Variants in ABLIM1 observed in about 807,000 individuals in gnomAD.
ABLIM1 encodes actin binding LIM protein 1.
Under a neutral mutation model 107.0 loss-of-function variants are expected in ABLIM1, and 40 were observed. The ratio of observed to expected loss-of-function variants is 0.37; its 90% CI spans 0.29 to 0.49. ABLIM1 has a LOEUF of 0.49. Ranked by LOEUF, ABLIM1 falls within the 20% of genes least tolerant of loss-of-function variation. The pLI, the probability that ABLIM1 is intolerant of heterozygous loss-of-function variation, is 0.97. For missense variants in ABLIM1, 857 were observed against 1,008.5 expected (o/e 0.85, Z 2.04); for synonymous variants, 357 against 357.3 (o/e 1.00, Z 0.01).
Position 114,453,815 on chromosome 10 carries a change from A to T in ABLIM1, c.1442-332T>A, listed in dbSNP as rs576340957. Reference sequence around the variant, plus strand: ...GGGAGCGATGGAAAGCTGCTTGCTCATGATTCAGGATCAGTTGTCAGGTGG... The same window carrying T: ...GGGAGCGATGGAAAGCTGCTTGCTCTTGATTCAGGATCAGTTGTCAGGTGG... On this transcript the variant is annotated intron_variant, in intron 12 of 22. Coordinates refer to ENST00000533213, the MANE Select transcript of ABLIM1 (RefSeq NM_002313.7). Among the ~76,000 whole-genome samples, 128 of 152,304 alleles carry T rather than the reference A, an allele frequency of 8.4e-4. 1 individual carries two copies. In the South Asian group the frequency reaches 0.011, roughly 13 times the overall value.
the ABLIM1 span, among the ~76,000 whole-genome samples, chr10:114,785,931 G>T: frequency 6.6e-6 from 1 of 152,154 alleles, no homozygotes; most frequent in Non-Finnish European, 1.5e-5. Context: ...GTTTCACCGT[G>T]TTGGCCAGGC....
Position 114,658,010 on chromosome 10 carries a change from C to T in ABLIM1, c.191G>A (p.Cys64Tyr), listed in dbSNP as rs771075316. The change falls in exon 1 of 23, where the codon TGT becomes TAT. Residue 64 changes from cysteine (C) to tyrosine (Y), a missense_variant. Physicochemically the swap from Cys to Tyr is radical, Grantham distance 194. Transcript: ENST00000533213. Reference protein sequence around the residue: ...RATITHLLYLCPKDYCPRGRV... With the variant: ...RATITHLLYLYPKDYCPRGRV... ...CCCACGTGGGCAGTAGTCCTTGGGA[C>T]AGAGATACAGCAAATGAGTGATAGT... 1.9e-6 allele frequency: 3 copies of T among 1,614,026 alleles called. No individual in the cohort carries two copies. Among genetic ancestry groups the T allele is most frequent in the Non-Finnish European group, 2.5e-6 (3 of 1,180,028 alleles).
intron 13 of ABLIM1, among the ~76,000 whole-genome samples, chr10:114,452,588 G>T (rs561152783): frequency 9.9e-5 from 15 of 152,118 alleles, no homozygotes; most frequent in African/African-American, 3.6e-4. Context: ...TTAATATAGT[G>T]GGTAATTTAT....
At chr10:114,787,268 T>C in the ABLIM1 span, among the ~76,000 whole-genome samples, 2 of 146,346 alleles carry the variant, frequency 1.4e-5, no homozygotes, top group Non-Finnish European at 3.0e-5. Flanking sequence ...GCAACCGCCC[T>C]GTCTGAGAAG....
intron 4 of ABLIM1, among the ~76,000 whole-genome samples, chr10:114,565,572 A>C (rs1342281819): frequency 1.3e-5 from 2 of 152,114 alleles, no homozygotes; most frequent in African/African-American, 2.4e-5. Flanking sequence ...ACCTGACCCT[A>C]GGCACTCGGA....
At chr10:114,788,475 C>T in the ABLIM1 span, among the ~76,000 whole-genome samples, 2 of 149,410 alleles carry the variant, frequency 1.3e-5, no homozygotes, top group African/African-American at 2.5e-5. Context: ...CGCCTGTAAT[C>T]CCAGCACTTT....
At chr10:114,443,018 T>G (rs1464467435) in intron 17 of ABLIM1, among the ~76,000 whole-genome samples, 1 of 151,958 alleles carries the variant, frequency 6.6e-6, no homozygotes, top group Non-Finnish European at 1.5e-5. Flanking sequence ...TTTGTATTTT[T>G]TAGTAGAGAC....
chr10:114,444,327 C>A (rs1010451877), intron 16 of ABLIM1, among the ~76,000 whole-genome samples, 193 bp from the exon 17 acceptor site: 1 of 152,052 alleles, frequency 6.6e-6, no homozygotes, highest in African/African-American at 2.4e-5. Flanking sequence ...CCTCTTAGCC[C>A]TTTCAGTTTC....
chr10:114,712,224 G>T (rs906600580), intron 1 of ABLIM1, among the ~76,000 whole-genome samples: 1 of 151,684 alleles, frequency 6.6e-6, no homozygotes, highest in Non-Finnish European at 1.5e-5. Flanking sequence ...ATGGTGGTGG[G>T]CACCTGTAAT....
At chr10:114,736,328 T>C (rs751000050) in intron 1 of ABLIM1, among the ~76,000 whole-genome samples, 5 of 152,174 alleles carry the variant, frequency 3.3e-5, no homozygotes, top group Non-Finnish European at 4.4e-5. Context: ...AGTGACTTAA[T>C]TTTCACTGCC....
intron 6 of ABLIM1, among the ~76,000 whole-genome samples, chr10:114,530,865 T>C (rs2065377643): frequency 6.6e-6 from 1 of 152,108 alleles, no homozygotes; most frequent in South Asian, 2.1e-4. Context: ...GGATGAGAAG[T>C]TTAGGCCTAA....
Position 114,439,105 on chromosome 10 carries a change from A to G in ABLIM1, c.2142+71T>C, listed in dbSNP as rs143242634. 5.1e-6 allele frequency: 8 copies of G among 1,563,168 alleles called. No individual in the cohort carries two copies. The African/African-American group carries it at 9.5e-5, about 18-fold the overall frequency. ...CCTACAACACTTTGAGAATGATGAA[A>G]AGATAGAACATCAAATCTGTTTAGG... On this transcript the variant is annotated intron_variant, in intron 21 of 22. Transcript: ENST00000533213.
upstream of ABLIM1, among the ~76,000 whole-genome samples, chr10:114,771,256 C>T (rs577405838): frequency 3.9e-5 from 6 of 152,300 alleles, no homozygotes; most frequent in African/African-American, 1.4e-4. Flanking sequence ...TACTCTTGTC[C>T]TTAAGATGCT....
chr10:114,519,931 G>A (rs1048529963), intron 6 of ABLIM1, among the ~76,000 whole-genome samples: 4 of 152,256 alleles, frequency 2.6e-5, no homozygotes, highest in African/African-American at 9.6e-5. Context: ...ATGTGCCAAG[G>A]AAAGCTTTGA....
chr10:114,498,081 G>A (rs138690985), intron 6 of ABLIM1, among the ~76,000 whole-genome samples: 8 of 152,314 alleles, frequency 5.3e-5, no homozygotes, highest in African/African-American at 1.4e-4. Context: ...ATGAGGTACA[G>A]GGAAAGGGCT....
At chr10:114,514,057 C>T (rs948971904) in intron 6 of ABLIM1, among the ~76,000 whole-genome samples, 5 of 152,182 alleles carry the variant, frequency 3.3e-5, no homozygotes, top group African/African-American at 1.2e-4. Context: ...AGGTAAGTTT[C>T]TCTACTGCTG....
chr10:114,505,538 G>A (rs2061006870), intron 6 of ABLIM1, among the ~76,000 whole-genome samples: 1 of 152,168 alleles, frequency 6.6e-6, no homozygotes, highest in South Asian at 2.1e-4. Flanking sequence ...CATTTGGTGG[G>A]AAGGAATAGG....
chr10:114,578,129 A>T (rs980321046), intron 2 of ABLIM1, among the ~76,000 whole-genome samples: 2 of 151,956 alleles, frequency 1.3e-5, no homozygotes, highest in African/African-American at 4.8e-5. Flanking sequence ...ATTCACTCTC[A>T]CAACCTCAAC....
At chr10:114,579,629 A>G (rs1413250368) in intron 2 of ABLIM1, among the ~76,000 whole-genome samples, 1 of 152,212 alleles carries the variant, frequency 6.6e-6, no homozygotes, top group Non-Finnish European at 1.5e-5. Flanking sequence ...ATCATTTTTA[A>G]GTGTACAGGT....
Sources: gnomAD v4.1 joint callset for allele counts (sites outside exome capture counted in the v4.1 genomes callset) on GRCh38, gnomAD v4.1.1 for gene constraint, MANE v1.5 for transcripts, NCBI Gene and HGNC (gene_info 2026-07-23, HGNC 2026-07-21) for gene names.